LRP8: variants seen among roughly 807,000 people sequenced by gnomAD.
LRP8 encodes LDL receptor related protein 8.
In LRP8, 46 loss-of-function variants were observed where a neutral mutation model predicts 111.6. The observed-to-expected ratio is 0.41, with a 90% CI of 0.33 to 0.53. The LOEUF (loss-of-function observed/expected upper bound fraction) is 0.53, where lower values mean the gene tolerates loss of function less well. Ranked by LOEUF, LRP8 falls within the 20% of genes least tolerant of loss-of-function variation. The probability of loss-of-function intolerance (pLI) is 0.20; values close to 1 mark genes in which losing one functional copy is unlikely to be tolerated. For missense variants in LRP8, 959 were observed against 1,297.4 expected (o/e 0.74, Z 4.01); for synonymous variants, 464 against 511.2 (o/e 0.91, Z 1.24).
intron 2 of LRP8, among the ~76,000 whole-genome samples, chr1:53,322,907 C>G (rs1453055145): frequency 6.6e-6 from 1 of 152,136 alleles, no homozygotes; most frequent in Non-Finnish European, 1.5e-5. Flanking sequence ...GAACTCTCAG[C>G]CATGGGAGAC....
intron 2 of LRP8, among the ~76,000 whole-genome samples, chr1:53,298,067 G>A (rs926280246): frequency 6.6e-6 from 1 of 152,182 alleles, no homozygotes; most frequent in African/African-American, 2.4e-5. Context: ...ACACGGAGGG[G>A]TTGTGGATCT....
chr1:53,276,936 GCAGC>G lies in LRP8; in HGVS notation c.635_638del (p.Arg212ProfsTer125). On this transcript the variant is annotated frameshift_variant, in exon 5 of 19. Transcript: ENST00000306052. LOFTEE classifies it high-confidence loss of function. ...TGCAGGCGCCGCCGCCATCGCCGCC[GCAGC>G]GGAACTCGCGGGGCCCGCAGGCCGG... 6.9e-7 allele frequency: 1 copy of G among 1,455,172 alleles called. No individual in the cohort carries two copies. The highest frequency in any genetic ancestry group is 9.0e-7 in the Non-Finnish European group (1 of 1,106,944). 90.1% of individuals were successfully genotyped at this position (1,455,172 alleles called of 1,614,324 possible). A position where few individuals can be genotyped will look rare whatever the true frequency, so the allele number is the denominator to read the frequency against.
Position 53,246,449 on chromosome 1 carries a change from A to G in LRP8, c.*569T>C, listed in dbSNP as rs1645728615. 6.6e-6 allele frequency: 1 copy of G among 152,418 alleles called. No homozygotes were observed. The highest frequency in any genetic ancestry group is 1.5e-5 in the Non-Finnish European group (1 of 68,178). 9.4% of individuals were successfully genotyped at this position (152,418 alleles called of 1,614,324 possible). On this transcript the variant is annotated 3_prime_UTR_variant, in exon 19 of 19. Coordinates refer to ENST00000306052, the MANE Select transcript of LRP8 (RefSeq NM_004631.5). ...ACAGAGTCTGTGTGGTGGGCCAAAC[A>G]TGCCAAAAATAAATACTCTCACTTC...
In LRP8 at chr1:53,262,368, C is replaced by T. The variant is rs1463415148; in HGVS notation, c.1774+78G>A. Reference sequence around the variant, plus strand: ...CTGGCACCATGAGAGGACCCAGAAACAAGACTCATGGAGTTCCAGACAGTG... The same window carrying T: ...CTGGCACCATGAGAGGACCCAGAAATAAGACTCATGGAGTTCCAGACAGTG... On this transcript the variant is annotated intron_variant, in intron 11 of 18. Coordinates refer to ENST00000306052, the MANE Select transcript of LRP8 (RefSeq NM_004631.5). The surrounding 1 kb of genome is among the most constrained non-coding windows in gnomAD (Gnocchi z 4.8). 2.6e-6 allele frequency: 4 copies of T among 1,533,268 alleles called. No homozygotes were observed. The highest frequency in any genetic ancestry group is 3.4e-5 in the Admixed American group (2 of 58,806). 95.0% of individuals were successfully genotyped at this position (1,533,268 alleles called of 1,614,324 possible).
At chr1:53,305,088 TGAACC>T (rs993766792) in intron 2 of LRP8, 6 of 152,236 alleles carry the variant, frequency 3.9e-5, no homozygotes, top group African/African-American at 1.4e-4. Flanking sequence ...TTCCTGCAAG[TGAACC>T]TTCCTCCCAG....
At chr1:53,314,722 A>G (rs2100532650) in intron 2 of LRP8, among the ~76,000 whole-genome samples, 1 of 152,224 alleles carries the variant, frequency 6.6e-6, no homozygotes, top group South Asian at 2.1e-4. Flanking sequence ...CCTCCACCCC[A>G]CTAGGCTGCT....
chr1:53,288,119 G>C (rs1475830279), intron 3 of LRP8: 4 of 152,404 alleles, frequency 2.6e-5, no homozygotes, highest in East Asian at 1.9e-4. Flanking sequence ...GTGAGGTACG[G>C]ATGGAGGAGC....
At chr1:53,252,567 A>C (rs1645932240) in intron 16 of LRP8, among the ~76,000 whole-genome samples, 1 of 152,138 alleles carries the variant, frequency 6.6e-6, no homozygotes. Flanking sequence ...AGAAAAAGTA[A>C]TGGAATAAAA....
At position 53,293,431 on chromosome 1, in the gene LRP8, C is replaced by G. The variant is rs897173977; in HGVS notation, c.245-3742G>C. 6.6e-5 allele frequency among the ~76,000 whole-genome samples: 10 copies of G among 152,344 alleles called. No individual in the cohort carries two copies. In the East Asian group the frequency reaches 1.7e-3, roughly 26 times the overall value. ...GGCCTGGCACCTTTCACCCAATATCCCAGTGACTCCTCACAGCTATCTTGG... is the reference window on the plus strand; with the variant it reads ...GGCCTGGCACCTTTCACCCAATATCGCAGTGACTCCTCACAGCTATCTTGG... On this transcript the variant is annotated intron_variant, in intron 2 of 18. Transcript: ENST00000306052. This position sits in a 1 kb window ranked among gnomAD's most constrained non-coding sequence, Gnocchi z 4.9.
At chr1:53,280,348 G>GCCT (rs1259786987) in intron 4 of LRP8, among the ~76,000 whole-genome samples, 1 of 152,188 alleles carries the variant, frequency 6.6e-6, no homozygotes, top group Non-Finnish European at 1.5e-5. Flanking sequence ...CCTTGTCTGA[G>GCCT]CCTCAGTTTC....
At chr1:53,259,414 C>T (rs1250333584) in intron 13 of LRP8, among the ~76,000 whole-genome samples, 3 of 151,672 alleles carry the variant, frequency 2.0e-5, no homozygotes, top group African/African-American at 7.3e-5. Context: ...GCCTGGCCTC[C>T]CTACTACTTT....
At position 53,327,075 on chromosome 1, in the gene LRP8, C is replaced by T. The variant is rs1409227940; in HGVS notation, c.125-83G>A. 7.1e-6 allele frequency: 11 copies of T among 1,554,894 alleles called. No homozygotes were observed. In the South Asian group the frequency reaches 8.3e-5, roughly 12 times the overall value. On this transcript the variant is annotated intron_variant, in intron 1 of 18. Coordinates refer to ENST00000306052, the MANE Select transcript of LRP8 (RefSeq NM_004631.5). Reference sequence around the variant, plus strand: ...GCAGTCCGGGCCACCCGGAAGGACCCGCTGGGGAGGAGGAAAGGGGGCGAT... The same window carrying T: ...GCAGTCCGGGCCACCCGGAAGGACCTGCTGGGGAGGAGGAAAGGGGGCGAT...
chr1:53,259,894 C>T (rs193155440), intron 13 of LRP8, among the ~76,000 whole-genome samples: 2 of 152,358 alleles, frequency 1.3e-5, no homozygotes, highest in African/African-American at 4.8e-5. Context: ...CTCCCTTGCT[C>T]TCCCTCTTTC....
chr1:53,315,677 G>A (rs1015133312), intron 2 of LRP8, among the ~76,000 whole-genome samples: 3 of 152,204 alleles, frequency 2.0e-5, no homozygotes, highest in African/African-American at 7.2e-5. Context: ...AGCTGGCTTC[G>A]CACCAAATGG....
At chr1:53,263,881 A>G (rs1484255639) in intron 10 of LRP8, among the ~76,000 whole-genome samples, 1 of 152,164 alleles carries the variant, frequency 6.6e-6, no homozygotes, top group Non-Finnish European at 1.5e-5. Flanking sequence ...CAGCAGCCTG[A>G]AGAAAGGCTT....
At chr1:53,282,689 G>T (rs182065175) in intron 3 of LRP8, among the ~76,000 whole-genome samples, 1 of 152,262 alleles carries the variant, frequency 6.6e-6, no homozygotes, top group Non-Finnish European at 1.5e-5. Flanking sequence ...GACTTCTAGG[G>T]CAGAGCCTAG....
Position 53,250,713 on chromosome 1 carries a change from GAGC to G in LRP8, c.2650_2652del (p.Ala884del). Reference sequence around the variant, plus strand: ...ACTGCAGGATAGACATGGCCAATCTGAGCAGTTCTCCCTATATGGAGCTCATCT... The same window carrying G: ...ACTGCAGGATAGACATGGCCAATCTGAGTTCTCCCTATATGGAGCTCATCT... On this transcript the variant is annotated inframe_deletion, in exon 17 of 19. Transcript: ENST00000306052. This position sits in a 1 kb window ranked among gnomAD's most constrained non-coding sequence, Gnocchi z 4.6. The G allele has an allele frequency of 6.2e-7, 1 of 1,614,056 alleles. No individual in the cohort carries two copies. Among genetic ancestry groups the G allele is most frequent in the Non-Finnish European group, 8.5e-7 (1 of 1,179,936 alleles).
Position 53,280,646 on chromosome 1 carries a change from C to T in LRP8, c.437G>A (p.Trp146Ter). The part of the protein sequence containing the change: ...PTSHKCVPAS[W>*]RCDGEKDCEG... The stretch of plus-strand genomic sequence containing the variant: ...GCAGTCCTTCTCCCCGTCGCAGCGC[C>T]ACGAGGCAGGTACACACTTGTGGCT... The change falls in exon 4 of 19, where the codon TGG becomes TAG. Residue 146 changes from tryptophan to a stop codon, truncating the protein, a stop_gained. Coordinates refer to ENST00000306052, the MANE Select transcript of LRP8 (RefSeq NM_004631.5). LOFTEE classifies it high-confidence loss of function. 6.2e-7 allele frequency: 1 copy of T among 1,613,550 alleles called. No homozygotes were observed. The highest frequency in any genetic ancestry group is 8.5e-7 in the Non-Finnish European group (1 of 1,180,040).
chr1:53,312,586 G>A (rs191343567), intron 2 of LRP8, among the ~76,000 whole-genome samples: 181 of 151,502 alleles, frequency 1.2e-3, no homozygotes, highest in African/African-American at 4.1e-3. Flanking sequence ...TTGAACTCCC[G>A]GCCTTAAGTG....
Sources: gnomAD v4.1 joint callset for allele counts (sites outside exome capture counted in the v4.1 genomes callset) on GRCh38, gnomAD v4.1.1 for gene constraint, Gnocchi (gnomAD v3.1) non-coding constraint, MANE v1.5 for transcripts, NCBI Gene and HGNC (gene_info 2026-07-23, HGNC 2026-07-21) for gene names.